The following PRCP variants were observed in gnomAD, a reference collection of about 807,000 sequenced individuals.
PRCP encodes the protein lysosomal Pro-X carboxypeptidase.
PRCP carries 46 observed loss-of-function variants against 54.2 expected under a neutral mutation model. That is an observed-to-expected ratio of 0.85 (90% CI 0.67 to 1.09). The LOEUF (loss-of-function observed/expected upper bound fraction) is 1.09, where lower values mean the gene tolerates loss of function less well. Ranked by LOEUF, PRCP falls within the 50% of genes least tolerant of loss-of-function variation. PRCP has a pLI of 0.00. For synonymous variants in PRCP, 240 were observed against 212.2 expected (o/e 1.13, Z -1.14); for missense variants, 613 against 596.8 (o/e 1.03, Z -0.28).
intron 5 of PRCP, 125 bp downstream of exon 5, chr11:82,849,789 T>G (rs907935127): frequency 1.1e-6 from 1 of 876,772 alleles, no homozygotes; most frequent in Non-Finnish European, 1.6e-6. Flanking sequence ...TGATTTTGAT[T>G]TGTATAATTT....
In PRCP at chr11:82,824,885, T is replaced by C. The variant is rs147144949; in HGVS notation, c.*21A>G. The C allele has an allele frequency of 3.6e-5, 57 of 1,599,768 alleles. No homozygotes were observed. In the East Asian group the frequency reaches 3.6e-4, roughly 10 times the overall value. ...GGTGGTGTGAACATAAAAGAAGAAATTGAAAACAATCAAAAGTTTCTCAGT... is the reference window on the plus strand; with the variant it reads ...GGTGGTGTGAACATAAAAGAAGAAACTGAAAACAATCAAAAGTTTCTCAGT... On this transcript the variant is annotated 3_prime_UTR_variant, in exon 9 of 9. Coordinates refer to ENST00000313010, the MANE Select transcript of PRCP (RefSeq NM_005040.4).
rs565670228 is a variant in PRCP, at chr11:82,827,429, T to C, written c.1275-2307A>G. 15 of 152,294 alleles carry C rather than the reference T, an allele frequency of 9.8e-5. No homozygotes were observed. The East Asian group carries it at 2.3e-3, about 23-fold the overall frequency. The allele number at this position is 152,294 out of a possible 1,614,324, so 9.4% of individuals were successfully genotyped here. ...AAGCCTTTGACCTATTCTGAGTTGATTTTTTTGTTATAGTATGAAATAGGG... is the reference window on the plus strand; with the variant it reads ...AAGCCTTTGACCTATTCTGAGTTGACTTTTTTGTTATAGTATGAAATAGGG... On this transcript the variant is annotated intron_variant, in intron 8 of 8. Transcript: ENST00000313010.
In PRCP at chr11:82,881,407, G is replaced by A. The variant is rs559906353; in HGVS notation, c.168+18828C>T. ...GGCAGCCTCACAAAGTAGAGCACAGGTAACATCCAAATGCTACAGACAGTA... is the reference window on the plus strand; with the variant it reads ...GGCAGCCTCACAAAGTAGAGCACAGATAACATCCAAATGCTACAGACAGTA... On this transcript the variant is annotated intron_variant, in intron 1 of 8. Transcript: ENST00000313010. Among the ~76,000 whole-genome samples the A allele has an allele frequency of 1.4e-4, 21 of 152,288 alleles. No individual in the cohort carries two copies. The South Asian group carries it at 4.4e-3, about 32-fold the overall frequency.
intron 1 of PRCP, chr11:82,900,023 C>T (rs1292287086): frequency 3.3e-6 from 2 of 611,706 alleles, no homozygotes; most frequent in Non-Finnish European, 2.8e-6. Context: ...GAGTATGCAG[C>T]CAAAACTACT....
intron 3 of PRCP, among the ~76,000 whole-genome samples, chr11:82,851,861 G>A (rs1357395262): frequency 1.3e-5 from 2 of 151,894 alleles, no homozygotes; most frequent in African/African-American, 4.8e-5. Flanking sequence ...CCTCTTCCAA[G>A]ATGTATGCCT....
At chr11:82,840,899 C>T (rs1182899676) in intron 6 of PRCP, 1 of 151,946 alleles carries the variant, frequency 6.6e-6, no homozygotes, top group African/African-American at 2.4e-5. Context: ...TACATCTTAT[C>T]CATTATGACA....
At chr11:82,857,591 G>T (rs993371899) in intron 2 of PRCP, among the ~76,000 whole-genome samples, 6 of 152,130 alleles carry the variant, frequency 3.9e-5, no homozygotes, top group African/African-American at 1.4e-4. Flanking sequence ...AACATCAATC[G>T]ATTAGATTTA....
At chr11:82,839,643 G>A (rs1858612994) in intron 6 of PRCP, 1 of 541,556 alleles carries the variant, frequency 1.8e-6, no homozygotes. Context: ...GAAGTCATTT[G>A]CATGGTATGC....
chr11:82,840,641 G>T (rs572018251), intron 6 of PRCP: 15 of 151,918 alleles, frequency 9.9e-5, no homozygotes, highest in African/African-American at 3.6e-4. Context: ...TAAAATGTTG[G>T]AGAAAAATAA....
upstream of PRCP, among the ~76,000 whole-genome samples, chr11:82,901,099 G>A (rs1860279789): frequency 1.3e-5 from 2 of 152,090 alleles, no homozygotes. Context: ...CTGGGTCCAG[G>A]TCCAAAGACT....
chr11:82,840,253 A>C (rs1224265524), intron 6 of PRCP: 1 of 152,118 alleles, frequency 6.6e-6, no homozygotes. Flanking sequence ...GGACTGACTA[A>C]ACAGAGCCAG....
At chr11:82,893,494 T>C (rs1860047791) in intron 1 of PRCP, among the ~76,000 whole-genome samples, 1 of 152,220 alleles carries the variant, frequency 6.6e-6, no homozygotes, top group Non-Finnish European at 1.5e-5. Flanking sequence ...CCTCTCTATA[T>C]GATAGTTCTC....
rs597838 is a variant in PRCP, at chr11:82,824,312, C to T, written c.*594G>A. The T allele has an allele frequency of 0.37, 56,931 of 153,092 alleles. 11,084 individuals are homozygous for T. Among genetic ancestry groups the T allele is most frequent in the East Asian group, 0.73 (3,767 of 5,184 alleles). 9.5% of individuals were successfully genotyped at this position (153,092 alleles called of 1,614,324 possible). A position where few individuals can be genotyped will look rare whatever the true frequency, so the allele number is the denominator to read the frequency against. ...TCCAAAAACAGCTAAGCCCAGTGCA[C>T]ACAGCATTTCCATCAGCCGGAGTTG... On this transcript the variant is annotated 3_prime_UTR_variant, in exon 9 of 9. Transcript: ENST00000313010.
At chr11:82,896,397 G>A (rs1314102535) in intron 1 of PRCP, among the ~76,000 whole-genome samples, 1 of 152,056 alleles carries the variant, frequency 6.6e-6, no homozygotes, top group African/African-American at 2.4e-5. Flanking sequence ...ATCAGTTTAA[G>A]GCCTTAATAG....
intron 1 of PRCP, among the ~76,000 whole-genome samples, chr11:82,870,471 T>G (rs1382770954): frequency 6.6e-6 from 1 of 152,188 alleles, no homozygotes; most frequent in African/African-American, 2.4e-5. Context: ...CCTTCTCCAC[T>G]GGGAAACAGA....
intron 1 of PRCP, among the ~76,000 whole-genome samples, chr11:82,893,163 C>T (rs1004050555): frequency 2.0e-5 from 3 of 152,212 alleles, no homozygotes; most frequent in African/African-American, 7.2e-5. Flanking sequence ...ATGAGATCTT[C>T]CATGTTCTTT....
rs1281088421 is a variant in PRCP at position 82,887,057 on chromosome 11, C to A, written c.168+13178G>T. Reference sequence around the variant, plus strand: ...CTTACTGACCTCTTTTCAGTTCCTCCAACACAGCCTGGTCTTTCCTACCTT... The same window carrying A: ...CTTACTGACCTCTTTTCAGTTCCTCAAACACAGCCTGGTCTTTCCTACCTT... On this transcript the variant is annotated intron_variant, in intron 1 of 8. Coordinates refer to ENST00000313010, the MANE Select transcript of PRCP (RefSeq NM_005040.4). Among the ~76,000 whole-genome samples, 3 of 152,200 alleles carry A rather than the reference C, an allele frequency of 2.0e-5. No homozygotes were observed. The East Asian group carries it at 5.8e-4, about 29-fold the overall frequency.
chr11:82,874,341 C>A (rs1311719525), intron 1 of PRCP, among the ~76,000 whole-genome samples: 3 of 152,066 alleles, frequency 2.0e-5, no homozygotes, highest in Non-Finnish European at 4.4e-5. Context: ...TGGTGACAGA[C>A]AACAGGAAAC....
At chr11:82,868,861 C>T (rs1859405435) in intron 1 of PRCP, among the ~76,000 whole-genome samples, 1 of 151,974 alleles carries the variant, frequency 6.6e-6, no homozygotes, top group Non-Finnish European at 1.5e-5. Flanking sequence ...CATGGCAAAA[C>T]CTCTTCTCTA....
Sources: allele counts gnomAD v4.1 joint callset (sites outside exome capture counted in the v4.1 genomes callset), GRCh38; gene constraint gnomAD v4.1.1; transcripts MANE v1.5; gene names NCBI Gene and HGNC (gene_info 2026-07-23, HGNC 2026-07-21).